The following CACNA2D3 variants were observed in gnomAD, a reference collection of about 807,000 sequenced individuals.
CACNA2D3 encodes calcium voltage-gated channel auxiliary subunit alpha2delta 3.
A neutral mutation model predicts 160.6 loss-of-function variants in CACNA2D3; 60 were observed. That is an observed-to-expected ratio of 0.37 (90% CI 0.30 to 0.46). CACNA2D3 has a LOEUF of 0.46. Ranked by LOEUF, CACNA2D3 falls within the 20% of genes least tolerant of loss-of-function variation. CACNA2D3 has a pLI of 1.00. For missense variants in CACNA2D3, 1,205 were observed against 1,365.0 expected, an observed-to-expected ratio of 0.88 and a Z score of 1.85; for synonymous variants, 558 against 492.9, an observed-to-expected ratio of 1.13 and a Z score of -1.75.
intron 2 of CACNA2D3, among the ~76,000 whole-genome samples, chr3:54,173,754 T>G (rs1241994187): frequency 6.6e-6 from 1 of 152,226 alleles, no homozygotes; most frequent in African/African-American, 2.4e-5. Context: ...TAGAAAGAGC[T>G]GAGGAAGCTC....
At chr3:55,020,222 G>A (rs527825166) in intron 35 of CACNA2D3, among the ~76,000 whole-genome samples, 31 of 150,320 alleles carry the variant, frequency 2.1e-4, no homozygotes, top group African/African-American at 7.5e-4. Context: ...AATTTTCTTG[G>A]TTATTCTTGA....
intron 11 of CACNA2D3, among the ~76,000 whole-genome samples, chr3:54,744,336 G>A (rs1046426664): frequency 2.6e-5 from 4 of 152,178 alleles, no homozygotes; most frequent in African/African-American, 4.8e-5. Context: ...TATAAGACAA[G>A]GGTTCTTAAC....
In CACNA2D3 at chr3:54,984,587, G is replaced by T. The variant is rs116051175; in HGVS notation, c.2557-21G>T. The T allele has an allele frequency of 3.4e-3, 4,483 of 1,337,330 alleles. 113 individuals carry two copies. In the African/African-American group the frequency reaches 0.061, roughly 18 times the overall value. 82.8% of individuals were successfully genotyped at this position (1,337,330 alleles called of 1,614,324 possible). A position where few individuals can be genotyped will look rare whatever the true frequency, so the allele number is the denominator to read the frequency against. The stretch of plus-strand genomic sequence containing the variant: ...AAGTTGAAGCTGTTTTTTTGTTTTT[G>T]TTTTTTTTTTAATTTTCTAGACTGT... On this transcript the variant is annotated intron_variant, in intron 29 of 37. Transcript: ENST00000474759.
chr3:54,824,082 A>C (rs527419483), intron 14 of CACNA2D3, among the ~76,000 whole-genome samples: 146 of 152,360 alleles, frequency 9.6e-4, no homozygotes, highest in Middle Eastern at 3.4e-3. Flanking sequence ...ATACACATGC[A>C]TAACATGCAT....
chr3:54,626,614 G>T, intron 9 of CACNA2D3: 1 of 1,380,500 alleles, frequency 7.2e-7, no homozygotes, highest in Non-Finnish European at 1.0e-6. Context: ...CGGCATCGGG[G>T]CCAGCCACTC....
chr3:54,194,018 A>G (rs1364298117), intron 2 of CACNA2D3, among the ~76,000 whole-genome samples: 1 of 152,134 alleles, frequency 6.6e-6, no homozygotes, highest in Non-Finnish European at 1.5e-5. Flanking sequence ...GAAGCTAAAA[A>G]CAAATTGACC....
chr3:54,400,617 C>A lies in CACNA2D3; in HGVS notation c.381+13843C>A, dbSNP rs542678753. ...CTCCTACAGCCTAGTCTACCAGACA[C>A]CCACAGTCATTTCTGACATTGATCA... On this transcript the variant is annotated intron_variant, in intron 4 of 37. Transcript: ENST00000474759. 2.6e-5 allele frequency among the ~76,000 whole-genome samples: 4 copies of A among 152,256 alleles called. No individual in the cohort carries two copies. The South Asian group carries it at 6.2e-4, about 24-fold the overall frequency.
At chr3:54,711,416 C>G (rs1700949567) in intron 11 of CACNA2D3, among the ~76,000 whole-genome samples, 1 of 152,210 alleles carries the variant, frequency 6.6e-6, no homozygotes, top group South Asian at 2.1e-4. Context: ...CTCTGCCATT[C>G]TTAACATGTA....
chr3:54,177,349 A>G (rs1576980600), intron 2 of CACNA2D3, among the ~76,000 whole-genome samples: 1 of 152,158 alleles, frequency 6.6e-6, no homozygotes, highest in African/African-American at 2.4e-5. Flanking sequence ...ATTATTTTAC[A>G]AGAAGAATTT....
intron 27 of CACNA2D3, among the ~76,000 whole-genome samples, chr3:54,961,747 G>T (rs954045363): frequency 6.6e-6 from 1 of 152,170 alleles, no homozygotes; most frequent in African/African-American, 2.4e-5. Flanking sequence ...ACCTTGTCCT[G>T]AGTATGCATG....
chr3:54,837,437 T>G (rs183482661), intron 15 of CACNA2D3, among the ~76,000 whole-genome samples: 24 of 152,266 alleles, frequency 1.6e-4, no homozygotes, highest in African/African-American at 4.8e-4. Context: ...GCAACACCTT[T>G]CCAAAGTTTA....
At chr3:54,766,480 G>A (rs1333310995) in intron 13 of CACNA2D3, among the ~76,000 whole-genome samples, 1 of 152,164 alleles carries the variant, frequency 6.6e-6, no homozygotes, top group African/African-American at 2.4e-5. Context: ...CTGTTGGTGA[G>A]GCTATGGGAA....
At chr3:54,438,001 A>T (rs1235365330) in intron 4 of CACNA2D3, among the ~76,000 whole-genome samples, 3 of 152,200 alleles carry the variant, frequency 2.0e-5, no homozygotes, top group Non-Finnish European at 2.9e-5. Flanking sequence ...CACAGTGTAT[A>T]TATGAGTTCT....
chr3:54,955,958 A>G (rs1701879668), intron 27 of CACNA2D3, among the ~76,000 whole-genome samples: 1 of 152,188 alleles, frequency 6.6e-6, no homozygotes, highest in South Asian at 2.1e-4. Context: ...TCTCCACTCC[A>G]GGGCTGACTC....
intron 21 of CACNA2D3, among the ~76,000 whole-genome samples, chr3:54,883,068 T>C (rs1699840019): frequency 6.6e-6 from 1 of 152,310 alleles, no homozygotes; most frequent in South Asian, 2.1e-4. Context: ...TTGCTGAGGC[T>C]GGAGTGCAAT....
At chr3:54,749,568 A>G (rs185248157) in intron 11 of CACNA2D3, among the ~76,000 whole-genome samples, 2 of 152,200 alleles carry the variant, frequency 1.3e-5, no homozygotes, top group African/African-American at 2.4e-5. Flanking sequence ...TGAAAAAAAA[A>G]CCTGCAAATA....
intron 17 of CACNA2D3, among the ~76,000 whole-genome samples, chr3:54,855,753 T>C (rs1168696): frequency 0.77 from 117,313 of 152,034 alleles, 45,493 homozygotes; most frequent in Admixed American, 0.84. Context: ...TCCAATAAGC[T>C]CCCCCTTCTG....
chr3:54,170,525 T>C (rs1031101390), intron 2 of CACNA2D3, among the ~76,000 whole-genome samples: 1 of 152,196 alleles, frequency 6.6e-6, no homozygotes, highest in Non-Finnish European at 1.5e-5. Context: ...TTGCTGCTGT[T>C]TTGGAATGCC....
intron 4 of CACNA2D3, among the ~76,000 whole-genome samples, chr3:54,440,436 C>G (rs1319634053): frequency 6.6e-6 from 1 of 152,068 alleles, no homozygotes; most frequent in Non-Finnish European, 1.5e-5. Context: ...TTCTGAATTG[C>G]AGACTTTTCA....
Sources: allele counts gnomAD v4.1 joint callset (sites outside exome capture counted in the v4.1 genomes callset), GRCh38; gene constraint gnomAD v4.1.1; transcripts MANE v1.5; gene names NCBI Gene and HGNC (gene_info 2026-07-23, HGNC 2026-07-21).